Variants in FAM240A observed in about 807,000 individuals in gnomAD.
The protein encoded by FAM240A is family with sequence similarity 240 member A.
In FAM240A, 8 loss-of-function variants were observed where a neutral mutation model predicts 7.3. That is an observed-to-expected ratio of 1.09 (90% confidence interval 0.64 to 1.97). FAM240A has a LOEUF of 1.97. Ranked by LOEUF, FAM240A falls within the 30% of genes most tolerant of loss-of-function variation. The pLI is 0.00. For synonymous variants in FAM240A, 32 were observed against 35.9 expected, an observed-to-expected ratio of 0.89 and a Z score of 0.38; for missense variants, 90 against 102.2, an observed-to-expected ratio of 0.88 and a Z score of 0.52.
chr3:46,624,035 CTT>C (rs1697726551), intron 2 of FAM240A, among the ~76,000 whole-genome samples: 1 of 151,610 alleles, frequency 6.6e-6, no homozygotes. Context: ...AACTATTGTT[CTT>C]TGTGTTTAGT....
At chr3:46,620,467 G>T (rs931473765) in intron 2 of FAM240A, among the ~76,000 whole-genome samples, 29 of 147,286 alleles carry the variant, frequency 2.0e-4, no homozygotes, top group Admixed American at 4.8e-4. Context: ...TTTGATGGCC[G>T]TCCATTATAT....
At chr3:46,613,697 G>A (rs1323242707) in intron 1 of FAM240A, among the ~76,000 whole-genome samples, 1 of 151,936 alleles carries the variant, frequency 6.6e-6, no homozygotes, top group Non-Finnish European at 1.5e-5. Flanking sequence ...TGCACCCTGG[G>A]TGCTCCTGCC....
chr3:46,619,100 G>T (rs1047289439), intron 2 of FAM240A, among the ~76,000 whole-genome samples: 4 of 152,032 alleles, frequency 2.6e-5, no homozygotes, highest in African/African-American at 9.7e-5. Flanking sequence ...TCACAAAATG[G>T]AATGTTAGTT....
intron 2 of FAM240A, among the ~76,000 whole-genome samples, chr3:46,624,646 G>A (rs1038705071): frequency 6.6e-6 from 1 of 152,094 alleles, no homozygotes; most frequent in Non-Finnish European, 1.5e-5. Context: ...CTTTTCAGAT[G>A]CTTTTCATTC....
intron 2 of FAM240A, among the ~76,000 whole-genome samples, chr3:46,618,928 A>G (rs1697665846): frequency 6.7e-6 from 1 of 150,318 alleles, no homozygotes; most frequent in African/African-American, 2.5e-5. Flanking sequence ...CATATGCAGT[A>G]TCTATCTATG....
At position 46,612,593 on chromosome 3, in the gene FAM240A, G is replaced by A. The variant is rs1178677533; in HGVS notation, c.-91G>A. On this transcript the variant is annotated 5_prime_UTR_variant, in exon 1 of 3. The change creates a new upstream start codon in the 5' untranslated region. Coordinates refer to ENST00000640551, the MANE Select transcript of FAM240A (RefSeq NM_001195442.2). ...CTTTGTTCTTGTTGATTTGCTGAAC[G>A]TGAATTGGCTCCTGGGGCAGCACAG... The A allele has an allele frequency of 3.5e-5, 34 of 962,004 alleles. No individual in the cohort carries two copies. Among genetic ancestry groups the A allele is most frequent in the East Asian group, 5.2e-5 (2 of 38,110 alleles). The allele number at this position is 962,004 out of a possible 1,614,324, so 59.6% of individuals were successfully genotyped here. A position where few individuals can be genotyped will look rare whatever the true frequency, so the allele number is the denominator to read the frequency against.
intron 1 of FAM240A, among the ~76,000 whole-genome samples, chr3:46,615,208 C>G (rs548540172): frequency 6.6e-6 from 1 of 152,114 alleles, no homozygotes; most frequent in Admixed American, 6.6e-5. Context: ...AGCTGTGGCC[C>G]AGACCTCTAT....
chr3:46,612,692 G>T lies in FAM240A; in HGVS notation c.9G>T (p.Leu3Phe), dbSNP rs17079007. The T allele has an allele frequency of 8.6e-3, 13,139 of 1,535,278 alleles. 484 individuals are homozygous for T. In the African/African-American group the frequency reaches 0.11, roughly 12 times the overall value. Reference protein sequence around the residue: MRLFSGMNNQYTR... With the variant: MRFFSGMNNQYTR... ...TGTCTTCACATCCCTTCATGCGGTT[G>T]TTCTCTGTAAGTGTTAATTAATTTG... Residue 3 changes from leucine to phenylalanine, a missense_variant, in exon 1 of 3, where the codon TTG (leucine) becomes TTT (phenylalanine). By Grantham distance (22) the Leu-to-Phe change is conservative. Coordinates refer to ENST00000640551, the MANE Select transcript of FAM240A (RefSeq NM_001195442.2).
rs552558408 is a variant in FAM240A at position 46,615,096 on chromosome 3, C to T, written c.16-2087C>T. Among the ~76,000 whole-genome samples the T allele has an allele frequency of 4.6e-5, 7 of 152,266 alleles. No homozygotes were observed. The East Asian group carries it at 7.7e-4, about 17-fold the overall frequency. ...CAGGAGAACCCATGTGACAAACAGACGGCGCATCAAGGCAGTGGAAACACG... is the reference window on the plus strand; with the variant it reads ...CAGGAGAACCCATGTGACAAACAGATGGCGCATCAAGGCAGTGGAAACACG... On this transcript the variant is annotated intron_variant, in intron 1 of 2. Transcript: ENST00000640551.
At position 46,625,526 on chromosome 3, in the gene FAM240A, A is replaced by G. The variant is rs147944687; in HGVS notation, c.*308A>G. 1.6e-4 allele frequency: 29 copies of G among 176,722 alleles called. No homozygotes were observed. In the East Asian group the frequency reaches 4.1e-3, roughly 25 times the overall value. The allele number at this position is 176,722 out of a possible 1,614,324, so 10.9% of individuals were successfully genotyped here. A position where few individuals can be genotyped will look rare whatever the true frequency, so the allele number is the denominator to read the frequency against. On this transcript the variant is annotated 3_prime_UTR_variant, in exon 3 of 3. Coordinates refer to ENST00000640551, the MANE Select transcript of FAM240A (RefSeq NM_001195442.2). ...TATCTTCTAATTTTGAAATCCAAAT[A>G]TTTTAAACTCTAAACACACCAAGAG...
chr3:46,620,351 G>A lies in FAM240A; in HGVS notation c.161+3023G>A, dbSNP rs925035100. ...TCCAAACACAAGTGAAAAGGGATTGGTAGAAAGAAGCTATTGACATTTGGC... is the reference window on the plus strand; with the variant it reads ...TCCAAACACAAGTGAAAAGGGATTGATAGAAAGAAGCTATTGACATTTGGC... On this transcript the variant is annotated intron_variant, in intron 2 of 2. Transcript: ENST00000640551. 1.4e-4 allele frequency among the ~76,000 whole-genome samples: 8 copies of A among 58,122 alleles called. 1 individual carries two copies. The highest frequency in any genetic ancestry group is 6.9e-4 in the Admixed American group (5 of 7,282). The allele number at this position is 58,122 out of a possible 152,430, so 38.1% of individuals were successfully genotyped here.
At chr3:46,613,644 T>C (rs1697594508) in intron 1 of FAM240A, among the ~76,000 whole-genome samples, 1 of 152,136 alleles carries the variant, frequency 6.6e-6, no homozygotes, top group African/African-American at 2.4e-5. Context: ...CAACTCTTTG[T>C]TCTGCAAGAT....
In FAM240A at chr3:46,625,384, C is replaced by A; in HGVS notation, c.*166C>A. The A allele has an allele frequency of 4.2e-6, 2 of 478,554 alleles. No homozygotes were observed. Among genetic ancestry groups the A allele is most frequent in the Non-Finnish European group, 7.5e-6 (2 of 267,098 alleles). The allele number at this position is 478,554 out of a possible 1,614,324, so 29.6% of individuals were successfully genotyped here. A position where few individuals can be genotyped will look rare whatever the true frequency, so the allele number is the denominator to read the frequency against. The stretch of plus-strand genomic sequence containing the variant: ...TAAATCCTTTCCCAGTGTTTGATGG[C>A]AGTTATTGGCCAAGTCAGTCCTCTG... On this transcript the variant is annotated 3_prime_UTR_variant, in exon 3 of 3. Transcript: ENST00000640551.
chr3:46,619,170 C>T (rs554243018), intron 2 of FAM240A, among the ~76,000 whole-genome samples: 13 of 152,110 alleles, frequency 8.5e-5, no homozygotes, highest in South Asian at 4.2e-4. Flanking sequence ...AGCAGCAATA[C>T]GCCAAAGGAA....
chr3:46,613,927 T>C (rs1259871208), intron 1 of FAM240A, among the ~76,000 whole-genome samples: 1 of 152,154 alleles, frequency 6.6e-6, no homozygotes, highest in Non-Finnish European at 1.5e-5. Context: ...GTTTGTTTGT[T>C]TGTTTGTTTG....
At chr3:46,620,631 TG>T (rs140412658) in intron 2 of FAM240A, among the ~76,000 whole-genome samples, 66,386 of 151,570 alleles carry the variant, frequency 0.44, 14,638 homozygotes, top group African/African-American at 0.47. Context: ...GTGCATACTC[TG>T]GCAGAACAAA....
At chr3:46,614,382 A>G (rs1466789736) in intron 1 of FAM240A, among the ~76,000 whole-genome samples, 1 of 152,250 alleles carries the variant, frequency 6.6e-6, no homozygotes, top group Non-Finnish European at 1.5e-5. Flanking sequence ...TTAAGAAGAC[A>G]AGGTAGTTTG....
chr3:46,625,961 C>T lies in FAM240A; in HGVS notation c.*743C>T, dbSNP rs1697758001. The T allele has an allele frequency of 6.6e-6, 1 of 152,154 alleles. No homozygotes were observed. The highest frequency in any genetic ancestry group is 2.1e-4 in the South Asian group (1 of 4,830). 9.4% of individuals were successfully genotyped at this position (152,154 alleles called of 1,614,324 possible). On this transcript the variant is annotated 3_prime_UTR_variant, in exon 3 of 3. Coordinates refer to ENST00000640551, the MANE Select transcript of FAM240A (RefSeq NM_001195442.2). ...CCACAGAGTGTTTACCACACAGATTCTGGATTTTGAAATGGTATAGTCACT... is the reference window on the plus strand; with the variant it reads ...CCACAGAGTGTTTACCACACAGATTTTGGATTTTGAAATGGTATAGTCACT...
chr3:46,618,126 G>A (rs1408949211), intron 2 of FAM240A, among the ~76,000 whole-genome samples: 2 of 152,186 alleles, frequency 1.3e-5, no homozygotes, highest in Admixed American at 6.5e-5. Context: ...CAGACAGCAG[G>A]GCCCATGACT....
Sources: allele counts gnomAD v4.1 joint callset (sites outside exome capture counted in the v4.1 genomes callset), GRCh38; gene constraint gnomAD v4.1.1; transcripts MANE v1.5; gene names NCBI Gene and HGNC (gene_info 2026-07-23, HGNC 2026-07-21).